Variants in ECHDC1 observed in about 807,000 individuals in gnomAD.
ECHDC1 encodes the protein ethylmalonyl-CoA decarboxylase 1, also known as ethylmalonyl-CoA decarboxylase.
Under a neutral mutation model 29.7 loss-of-function variants are expected in ECHDC1, and 29 were observed. The ratio of observed to expected loss-of-function variants is 0.98; its 90% CI spans 0.73 to 1.33. The LOEUF is 1.33. ECHDC1 is among the 40% of genes most tolerant of loss of function. The probability of loss-of-function intolerance (pLI) is 0.00; values close to 1 mark genes in which losing one functional copy is unlikely to be tolerated. For synonymous variants in ECHDC1, 126 were observed against 123.1 expected, an observed-to-expected ratio of 1.02 and a Z score of -0.15; for missense variants, 328 against 350.0, an observed-to-expected ratio of 0.94 and a Z score of 0.50.
intron 5 of ECHDC1, among the ~76,000 whole-genome samples, chr6:127,299,302 C>A (rs2114570088): frequency 6.6e-6 from 1 of 152,086 alleles, no homozygotes; most frequent in East Asian, 1.9e-4. Context: ...CAGCTCCATG[C>A]ATGTTACTGC....
intron 5 of ECHDC1, among the ~76,000 whole-genome samples, chr6:127,307,639 T>A (rs898646719): frequency 5.2e-5 from 1 of 19,410 alleles, no homozygotes; most frequent in East Asian, 9.9e-4. Context: ...AGAGTGATAC[T>A]CTGTCTCAGA....
At chr6:127,340,844 T>C (rs1784877104) in intron 1 of ECHDC1, among the ~76,000 whole-genome samples, 1 of 152,020 alleles carries the variant, frequency 6.6e-6, no homozygotes, top group Non-Finnish European at 1.5e-5. Context: ...AGCATTAGCA[T>C]TTTGTGGGAA....
chr6:127,329,656 G>A (rs545890215), intron 2 of ECHDC1, among the ~76,000 whole-genome samples: 1 of 152,076 alleles, frequency 6.6e-6, no homozygotes, highest in South Asian at 2.1e-4. Flanking sequence ...GACTTAGTAT[G>A]AAAATAAAAA....
chr6:127,328,350 T>C (rs1321475852), intron 2 of ECHDC1, among the ~76,000 whole-genome samples: 2 of 152,204 alleles, frequency 1.3e-5, no homozygotes, highest in Admixed American at 6.5e-5. Flanking sequence ...AATGAATTAT[T>C]CACATGTTTG....
chr6:127,308,491 A>G (rs1781625793), intron 5 of ECHDC1, among the ~76,000 whole-genome samples: 1 of 152,200 alleles, frequency 6.6e-6, no homozygotes, highest in African/African-American at 2.4e-5. Flanking sequence ...TATAGAAGGA[A>G]CATACATCAA....
Position 127,288,948 on chromosome 6 carries a change from A to G in ECHDC1, c.*921T>C, listed in dbSNP as rs977906538. On this transcript the variant is annotated 3_prime_UTR_variant, in exon 6 of 6. Transcript: ENST00000454859. ...TAGCAAATACTTTTGACCTCTTGTG[A>G]TGAGTCAGAACTAGAACTTAATTCT... 6.6e-6 allele frequency: 1 copy of G among 152,090 alleles called. No homozygotes were observed. Among genetic ancestry groups the G allele is most frequent in the African/African-American group, 2.4e-5 (1 of 41,444 alleles). 9.4% of individuals were successfully genotyped at this position (152,090 alleles called of 1,614,324 possible). A position where few individuals can be genotyped will look rare whatever the true frequency, so the allele number is the denominator to read the frequency against.
chr6:127,315,173 T>C (rs1358162468), intron 4 of ECHDC1: 1 of 566,902 alleles, frequency 1.8e-6, no homozygotes, highest in African/African-American at 1.9e-5. Flanking sequence ...TATAGCCATA[T>C]TGTAACTTAC....
At chr6:127,316,191 C>T in intron 4 of ECHDC1, 1 of 459,654 alleles carries the variant, frequency 2.2e-6, no homozygotes, top group South Asian at 1.9e-5. Context: ...CTAAATACAG[C>T]TAGTTATATA....
chr6:127,327,719 C>A (rs767270394), intron 2 of ECHDC1, among the ~76,000 whole-genome samples: 11 of 152,130 alleles, frequency 7.2e-5, no homozygotes, highest in Non-Finnish European at 1.2e-4. Context: ...GGGCTTGAGG[C>A]ATACGATGGA....
chr6:127,323,222 T>C (rs895858183), intron 3 of ECHDC1, among the ~76,000 whole-genome samples: 2 of 152,000 alleles, frequency 1.3e-5, no homozygotes, highest in African/African-American at 4.8e-5. Context: ...AAATGTAAAA[T>C]CTGAAATACT....
At chr6:127,299,041 A>ATT (rs61218636) in intron 5 of ECHDC1, among the ~76,000 whole-genome samples, 80,626 of 150,754 alleles carry the variant, frequency 0.53, 23,630 homozygotes, top group Non-Finnish European at 0.67. Context: ...ATGCCTGGCT[A>ATT]TTTTTTTTAT....
intron 5 of ECHDC1, among the ~76,000 whole-genome samples, chr6:127,310,378 T>C (rs1005188761): frequency 8.5e-5 from 13 of 152,104 alleles, no homozygotes; most frequent in Admixed American, 8.5e-4. Flanking sequence ...TACTATGTAC[T>C]CATGAAAGTT....
intron 1 of ECHDC1, among the ~76,000 whole-genome samples, chr6:127,337,703 A>C (rs1470811801): frequency 6.6e-6 from 1 of 152,170 alleles, no homozygotes; most frequent in Non-Finnish European, 1.5e-5. Context: ...ACAGAGTTTG[A>C]CTGTTCGCAT....
Position 127,327,100 on chromosome 6 carries a change from T to C in ECHDC1, c.265A>G (p.Asn89Asp). 6.2e-7 allele frequency: 1 copy of C among 1,614,046 alleles called. No individual in the cohort carries two copies. Among genetic ancestry groups the C allele is most frequent in the Non-Finnish European group, 8.5e-7 (1 of 1,179,968 alleles). The change falls in exon 3 of 6, where the codon AAT (asparagine) becomes GAT (aspartate). Residue 89 changes from asparagine (N) to aspartate (D), a missense_variant. Coordinates refer to ENST00000454859, the MANE Select transcript of ECHDC1 (RefSeq NM_001002030.2). ...QLLEKVIELE[N>D]WTEGKGLIVR... ...ATGAGGCCTTTCCCCTCTGTCCAATTTTCCAATTCAATTACTTTTTCCAGA... is the reference window on the plus strand; with the variant it reads ...ATGAGGCCTTTCCCCTCTGTCCAATCTTCCAATTCAATTACTTTTTCCAGA...
chr6:127,320,000 T>C (rs1271355798), intron 3 of ECHDC1, among the ~76,000 whole-genome samples: 1 of 152,170 alleles, frequency 6.6e-6, no homozygotes, highest in Non-Finnish European at 1.5e-5. Flanking sequence ...TCAAAATACA[T>C]GGAAGAGCTT....
chr6:127,312,536 G>C (rs1782025665), intron 5 of ECHDC1, among the ~76,000 whole-genome samples: 2 of 152,088 alleles, frequency 1.3e-5, no homozygotes, highest in Admixed American at 6.5e-5. Flanking sequence ...TGCTGCTTAA[G>C]TTAAACATAC....
chr6:127,323,427 GATA>G (rs796457936), intron 3 of ECHDC1, among the ~76,000 whole-genome samples: 139 of 152,204 alleles, frequency 9.1e-4, no homozygotes, highest in African/African-American at 3.2e-3. Context: ...TCTCATTAAT[GATA>G]ATGTTTACTA....
rs965147308 is a variant in ECHDC1, at chr6:127,316,312, C to T, written c.416+138G>A. ...GTAATTAAATGATTATCCTCTACGGCACAAAAAAATAGTACATCATTAGAA... is the reference window on the plus strand; with the variant it reads ...GTAATTAAATGATTATCCTCTACGGTACAAAAAAATAGTACATCATTAGAA... On this transcript the variant is annotated intron_variant, in intron 4 of 5. Coordinates refer to ENST00000454859, the MANE Select transcript of ECHDC1 (RefSeq NM_001002030.2). 19 of 661,982 alleles carry T rather than the reference C, an allele frequency of 2.9e-5. No individual in the cohort carries two copies. In the African/African-American group the frequency reaches 3.3e-4, roughly 12 times the overall value. 41.0% of individuals were successfully genotyped at this position (661,982 alleles called of 1,614,324 possible).
intron 5 of ECHDC1, among the ~76,000 whole-genome samples, chr6:127,298,684 T>C (rs539253596): frequency 6.6e-6 from 1 of 152,320 alleles, no homozygotes; most frequent in Non-Finnish European, 1.5e-5. Context: ...GAAAAATTTC[T>C]ATAGCCTGGT....
Sources: gnomAD v4.1 joint callset for allele counts (sites outside exome capture counted in the v4.1 genomes callset) on GRCh38, gnomAD v4.1.1 for gene constraint, MANE v1.5 for transcripts, NCBI Gene and HGNC (gene_info 2026-07-23, HGNC 2026-07-21) for gene names.